The following LYZL4 variants were observed in gnomAD, a reference collection of about 807,000 sequenced individuals.
LYZL4 encodes the protein lysozyme like 4, also known as lysozyme-like protein 4.
In LYZL4, 13 loss-of-function variants were observed where a neutral mutation model predicts 17.6. The ratio of observed to expected loss-of-function variants is 0.74; its 90% CI spans 0.48 to 1.18. The LOEUF (loss-of-function observed/expected upper bound fraction) is 1.18. Among genes scored for constraint, LYZL4 ranks in the 50% most tolerant of loss-of-function variants. The probability of loss-of-function intolerance (pLI) is 0.00; values close to 1 mark genes in which losing one functional copy is unlikely to be tolerated. For synonymous variants in LYZL4, 64 were observed against 67.7 expected (o/e 0.95, Z 0.27); for missense variants, 174 against 188.2 (o/e 0.92, Z 0.44).
chr3:42,370,544 G>T, the LYZL4 span, among the ~76,000 whole-genome samples: 1 of 152,116 alleles, frequency 6.6e-6, no homozygotes, highest in South Asian at 2.1e-4. Flanking sequence ...CAATCTCCAG[G>T]CCAATGAAAA....
At chr3:42,373,482 C>T in the LYZL4 span, among the ~76,000 whole-genome samples, 1 of 152,308 alleles carries the variant, frequency 6.6e-6, no homozygotes, top group East Asian at 1.9e-4. Context: ...CTATTTCACA[C>T]ACACACCCTT....
chr3:42,362,054 C>T, the LYZL4 span, among the ~76,000 whole-genome samples: 156 of 152,228 alleles, frequency 1.0e-3, no homozygotes, highest in Middle Eastern at 3.4e-3. Flanking sequence ...GGCACGCCCT[C>T]CCAGTGGCCA....
chr3:42,370,538 C>A, the LYZL4 span, among the ~76,000 whole-genome samples: 9 of 152,298 alleles, frequency 5.9e-5, 1 homozygote, highest in African/African-American at 2.2e-4. Context: ...GCCAGCCAAT[C>A]TCCAGGCCAA....
the LYZL4 span, among the ~76,000 whole-genome samples, chr3:42,368,487 A>G: frequency 2.0e-5 from 3 of 152,120 alleles, no homozygotes; most frequent in Admixed American, 6.5e-5. Context: ...AACTCATGAC[A>G]TATATGGAAT....
chr3:42,400,192 G>A (rs1698631180), intron 4 of LYZL4, among the ~76,000 whole-genome samples: 1 of 152,112 alleles, frequency 6.6e-6, no homozygotes, highest in African/African-American at 2.4e-5. Flanking sequence ...TTGTCCACCT[G>A]CAGGCCTGTC....
At chr3:42,376,755 T>C in the LYZL4 span, among the ~76,000 whole-genome samples, 1 of 152,134 alleles carries the variant, frequency 6.6e-6, no homozygotes, top group Non-Finnish European at 1.5e-5. Context: ...TGCCCTGGAA[T>C]AAAAGGTAGG....
At chr3:42,407,692 A>G (rs755076895) in intron 1 of LYZL4, among the ~76,000 whole-genome samples, 8 of 151,814 alleles carry the variant, frequency 5.3e-5, no homozygotes, top group Non-Finnish European at 1.0e-4. Flanking sequence ...TGGAAAACAG[A>G]AAAGAGAAAT....
the LYZL4 span, among the ~76,000 whole-genome samples, chr3:42,392,002 G>A: frequency 2.6e-5 from 4 of 151,994 alleles, no homozygotes; most frequent in Non-Finnish European, 5.9e-5. Flanking sequence ...CCAAGTAGCT[G>A]GGACTACAGT....
At chr3:42,391,030 G>A in the LYZL4 span, among the ~76,000 whole-genome samples, 1 of 152,102 alleles carries the variant, frequency 6.6e-6, no homozygotes, top group Non-Finnish European at 1.5e-5. Flanking sequence ...CTCCGCTACC[G>A]AGATGTTTGA....
At chr3:42,379,334 C>T in the LYZL4 span, among the ~76,000 whole-genome samples, 4 of 152,152 alleles carry the variant, frequency 2.6e-5, no homozygotes, top group Admixed American at 6.5e-5. Context: ...GAGAAAAGCA[C>T]CATGAGAAAG....
At chr3:42,369,402 T>C in the LYZL4 span, among the ~76,000 whole-genome samples, 1 of 152,250 alleles carries the variant, frequency 6.6e-6, no homozygotes, top group African/African-American at 2.4e-5. Flanking sequence ...ATCTCTTTGG[T>C]TCATTTCTGC....
chr3:42,384,116 A>C, the LYZL4 span, among the ~76,000 whole-genome samples: 1 of 152,198 alleles, frequency 6.6e-6, no homozygotes, highest in Non-Finnish European at 1.5e-5. Flanking sequence ...ACATACAAAG[A>C]ACTAGAATCA....
chr3:42,362,678 A>G, the LYZL4 span, among the ~76,000 whole-genome samples: 323 of 152,288 alleles, frequency 2.1e-3, 2 homozygotes, highest in African/African-American at 7.6e-3. Flanking sequence ...ATCATCTCCC[A>G]AAGGCCCCAC....
chr3:42,365,500 C>G, the LYZL4 span, among the ~76,000 whole-genome samples: 1 of 152,172 alleles, frequency 6.6e-6, no homozygotes, highest in African/African-American at 2.4e-5. Context: ...TGGACCAACT[C>G]CTACCTGAGG....
chr3:42,390,753 A>G, the LYZL4 span, among the ~76,000 whole-genome samples: 7 of 152,272 alleles, frequency 4.6e-5, no homozygotes, highest in Middle Eastern at 3.4e-3. Flanking sequence ...CAAGTGGTGG[A>G]GATTGACTAC....
At chr3:42,380,330 A>G in the LYZL4 span, among the ~76,000 whole-genome samples, 2 of 152,188 alleles carry the variant, frequency 1.3e-5, no homozygotes, top group African/African-American at 4.8e-5. Context: ...CCAAAGTCAC[A>G]TAACTGATAA....
chr3:42,400,964 A>G (rs1219032650), intron 4 of LYZL4, among the ~76,000 whole-genome samples: 6 of 152,170 alleles, frequency 3.9e-5, no homozygotes, highest in Non-Finnish European at 8.8e-5. Context: ...AAATCTACAA[A>G]CTGGAAACTA....
rs555468356 is a variant in LYZL4, at chr3:42,397,687, C to T, written c.372-353G>A. Among the ~76,000 whole-genome samples, 7 of 152,164 alleles carry T rather than the reference C, an allele frequency of 4.6e-5. No homozygotes were observed. In the East Asian group the frequency reaches 5.8e-4, roughly 13 times the overall value. ...TCTGAAGTAAGCTTCAGAGAAGTTCCGTGACTTTCCCAGAGTCACATGATG... is the reference window on the plus strand; with the variant it reads ...TCTGAAGTAAGCTTCAGAGAAGTTCTGTGACTTTCCCAGAGTCACATGATG... On this transcript the variant is annotated intron_variant, in intron 4 of 4. Transcript: ENST00000287748.
intron 1 of LYZL4, among the ~76,000 whole-genome samples, chr3:42,407,781 T>C (rs982722607): frequency 2.0e-5 from 3 of 151,770 alleles, no homozygotes; most frequent in African/African-American, 7.3e-5. Context: ...CATTACTGCC[T>C]CTTATGCGTC....
Sources: gnomAD v4.1 joint callset for allele counts (sites outside exome capture counted in the v4.1 genomes callset) on GRCh38, gnomAD v4.1.1 for gene constraint, MANE v1.5 for transcripts, NCBI Gene and HGNC (gene_info 2026-07-23, HGNC 2026-07-21) for gene names.